The following KIAA1549L variants were observed in gnomAD, a reference collection of about 807,000 sequenced individuals.
KIAA1549L encodes KIAA1549 like, also known as UPF0606 protein KIAA1549L.
In KIAA1549L, 88 loss-of-function variants were observed where a neutral mutation model predicts 160.7. The ratio of observed to expected loss-of-function variants is 0.55; its 90% CI spans 0.46 to 0.65. The LOEUF (loss-of-function observed/expected upper bound fraction) is 0.65. Ranked by LOEUF, KIAA1549L falls within the 30% of genes least tolerant of loss-of-function variation. The pLI, the probability that KIAA1549L is intolerant of heterozygous loss-of-function variation, is 0.00. For missense variants in KIAA1549L, 2,258 were observed against 2,437.5 expected (o/e 0.93, Z 1.55); for synonymous variants, 950 against 976.7 (o/e 0.97, Z 0.51).
At chr11:33,604,504 A>G (rs543944659) in intron 13 of KIAA1549L, among the ~76,000 whole-genome samples, 41 of 152,362 alleles carry the variant, frequency 2.7e-4, no homozygotes, top group African/African-American at 9.6e-4. Flanking sequence ...AGACACTTGC[A>G]CATGTGTGTT....
At chr11:33,441,370 G>A (rs36170448) in intron 1 of KIAA1549L, among the ~76,000 whole-genome samples, 30,206 of 150,674 alleles carry the variant, frequency 0.2, 3,544 homozygotes, top group Middle Eastern at 0.31. Flanking sequence ...GAATAGTGCC[G>A]CAATAAACAT....
intron 1 of KIAA1549L, among the ~76,000 whole-genome samples, chr11:33,395,724 CAAGAT>C (rs1471232999): frequency 6.6e-6 from 1 of 151,922 alleles, no homozygotes; most frequent in African/African-American, 2.4e-5. Context: ...GTTGTTACCT[CAAGAT>C]AAGATTTTTT....
rs1852622571 is a variant in KIAA1549L at position 33,670,122 on chromosome 11, C to T, written c.*1968C>T. The stretch of plus-strand genomic sequence containing the variant: ...GAACAAAGAGCCAAAGAAACTCAGC[C>T]TGTTCATGCAAATGGTATGAGTCTG... On this transcript the variant is annotated 3_prime_UTR_variant, in exon 21 of 21. Transcript: ENST00000658780. The T allele has an allele frequency of 6.6e-6, 1 of 152,188 alleles. No individual in the cohort carries two copies. The highest frequency in any genetic ancestry group is 1.5e-5 in the Non-Finnish European group (1 of 68,036). 9.4% of individuals were successfully genotyped at this position (152,188 alleles called of 1,614,324 possible).
intron 1 of KIAA1549L, among the ~76,000 whole-genome samples, chr11:33,500,110 T>C (rs1342379628): frequency 1.3e-5 from 2 of 152,232 alleles, no homozygotes; most frequent in African/African-American, 2.4e-5. Context: ...AAGCAGTTAT[T>C]ATCCTAATTT....
chr11:33,508,238 G>A (rs893353730), intron 1 of KIAA1549L, among the ~76,000 whole-genome samples: 2 of 152,220 alleles, frequency 1.3e-5, no homozygotes, highest in Non-Finnish European at 2.9e-5. Context: ...CATCGTGCTA[G>A]AAGGGGGTTG....
At chr11:33,559,300 G>A (rs1396140031) in intron 6 of KIAA1549L, among the ~76,000 whole-genome samples, 2 of 152,102 alleles carry the variant, frequency 1.3e-5, no homozygotes, top group Non-Finnish European at 2.9e-5. Flanking sequence ...ACATTCCAAT[G>A]CTCTATTTTA....
intron 16 of KIAA1549L, among the ~76,000 whole-genome samples, chr11:33,631,314 C>A (rs539444843): frequency 2.6e-5 from 4 of 152,274 alleles, no homozygotes. Context: ...TGGCTCCAGC[C>A]TGAACACCTT....
chr11:33,650,757 C>T (rs34629759), intron 17 of KIAA1549L, among the ~76,000 whole-genome samples: 44,063 of 152,072 alleles, frequency 0.29, 6,545 homozygotes, highest in South Asian at 0.38. Flanking sequence ...CACACACGCA[C>T]CTGCCCCTCT....
chr11:33,411,567 C>T (rs769056958), intron 1 of KIAA1549L, among the ~76,000 whole-genome samples: 1 of 152,156 alleles, frequency 6.6e-6, no homozygotes, highest in African/African-American at 2.4e-5. Flanking sequence ...ATTGCCCAAC[C>T]TTATTTGTTT....
intron 15 of KIAA1549L, 136 bp from the exon 16 acceptor site, chr11:33,618,396 TG>T: frequency 2.9e-6 from 2 of 689,070 alleles, no homozygotes; most frequent in Non-Finnish European, 4.5e-6. Context: ...CCTTATATCC[TG>T]GGAATAAATG....
chr11:33,608,308 A>G (rs1349687553), intron 14 of KIAA1549L, among the ~76,000 whole-genome samples: 2 of 152,204 alleles, frequency 1.3e-5, no homozygotes, highest in Non-Finnish European at 2.9e-5. Context: ...TGATGATGAT[A>G]ATGATGATGA....
chr11:33,612,890 T>A (rs1850684109), intron 15 of KIAA1549L, among the ~76,000 whole-genome samples: 1 of 152,222 alleles, frequency 6.6e-6, no homozygotes, highest in African/African-American at 2.4e-5. Context: ...TTGCTAAGGA[T>A]AATAGCCTCC....
chr11:33,575,315 A>G (rs1855409774), intron 10 of KIAA1549L, among the ~76,000 whole-genome samples: 1 of 152,262 alleles, frequency 6.6e-6, no homozygotes, highest in South Asian at 2.1e-4. Context: ...GCAGTGGCAC[A>G]CAACATAGGA....
rs1206190350 is a variant in KIAA1549L, at chr11:33,609,858, A to G, written c.5171A>G (p.Lys1724Arg). The stretch of plus-strand genomic sequence containing the variant: ...GACTTCCCTGCAGTGGAGACGAGCA[A>G]GGGTCTGACCGAAAGAAAGAAGATG... ...YYDFPAVETS[K>R]GLTERKKMYE... Residue 1724 changes from lysine to arginine, a missense_variant, in exon 15 of 21, where the codon AAG (lysine) becomes AGG (arginine). Lys to Arg is a conservative substitution (Grantham distance 26). This residue lies in a region of KIAA1549L where 1,359 missense variants were observed against 1,546.6 expected (regional missense o/e 0.88). Transcript: ENST00000658780. The G allele has an allele frequency of 6.2e-7, 1 of 1,613,948 alleles. No homozygotes were observed. Among genetic ancestry groups the G allele is most frequent in the African/African-American group, 1.3e-5 (1 of 75,054 alleles).
At chr11:33,435,611 T>C (rs1029192855) in intron 1 of KIAA1549L, among the ~76,000 whole-genome samples, 1 of 151,180 alleles carries the variant, frequency 6.6e-6, no homozygotes. Context: ...AGGACTGATA[T>C]GCTAAATGTC....
chr11:33,648,764 G>A (rs1175192727), intron 17 of KIAA1549L, among the ~76,000 whole-genome samples: 2 of 151,906 alleles, frequency 1.3e-5, no homozygotes, highest in African/African-American at 4.8e-5. Flanking sequence ...TCTATGCCAA[G>A]CAGAATTAAA....
chr11:33,619,427 ATAAGAGT>A (rs1850903488), intron 16 of KIAA1549L, among the ~76,000 whole-genome samples: 1 of 152,346 alleles, frequency 6.6e-6, no homozygotes, highest in African/African-American at 2.4e-5. Flanking sequence ...TTTTTCTTTA[ATAAGAGT>A]TATAATTCAA....
rs146798252 is a variant in KIAA1549L, at chr11:33,506,690, C to T, written c.239-35112C>T. 1.5e-3 allele frequency among the ~76,000 whole-genome samples: 210 copies of T among 144,124 alleles called. 4 individuals carry two copies. The highest frequency in any genetic ancestry group is 5.1e-3 in the African/African-American group (199 of 39,108). The allele number at this position is 144,124 out of a possible 152,430, so 94.6% of individuals were successfully genotyped here. A position where few individuals can be genotyped will look rare whatever the true frequency, so the allele number is the denominator to read the frequency against. ...ATGAGTGCATCACTGCACTCTAGCC[C>T]GGGTGACAGAATAACACCTTGCTAA... On this transcript the variant is annotated intron_variant, in intron 1 of 20. Coordinates refer to ENST00000658780, the MANE Select transcript of KIAA1549L (RefSeq NM_012194.3).
At chr11:33,621,398 T>G (rs1343413066) in intron 16 of KIAA1549L, among the ~76,000 whole-genome samples, 1 of 152,156 alleles carries the variant, frequency 6.6e-6, no homozygotes, top group Non-Finnish European at 1.5e-5. Context: ...TAACAATACC[T>G]CACTTGGTAG....
Sources: allele counts gnomAD v4.1 joint callset (sites outside exome capture counted in the v4.1 genomes callset), GRCh38; gene constraint gnomAD v4.1.1; regional missense constraint gnomAD v4.1.1; transcripts MANE v1.5; gene names NCBI Gene and HGNC (gene_info 2026-07-23, HGNC 2026-07-21).